The following GLI2 variants were observed in gnomAD, a reference collection of about 807,000 sequenced individuals.
The protein encoded by GLI2 is GLI family zinc finger 2.
GLI2 carries 22 observed loss-of-function variants against 78.9 expected under a neutral mutation model. That is an observed-to-expected ratio of 0.28 (90% confidence interval 0.20 to 0.40). The LOEUF (loss-of-function observed/expected upper bound fraction) is 0.40. Among genes scored for constraint, GLI2 ranks in the 10% least tolerant of loss-of-function variants. The pLI, the probability that GLI2 is intolerant of heterozygous loss-of-function variation, is 1.00. For synonymous variants in GLI2, 974 were observed against 963.7 expected (o/e 1.01, Z -0.20); for missense variants, 2,097 against 2,213.2 (o/e 0.95, Z 1.05).
chr2:120,955,142 T>A, intron 4 of GLI2, 103 bp from the exon 5 acceptor site: 3 of 762,208 alleles, frequency 3.9e-6, no homozygotes, highest in South Asian at 3.1e-5. Flanking sequence ...CAGGTGTGCA[T>A]TTCTCTCTGC....
chr2:120,791,124 G>A (rs1684142570), intron 1 of GLI2, among the ~76,000 whole-genome samples: 2 of 152,192 alleles, frequency 1.3e-5, no homozygotes, highest in African/African-American at 2.4e-5. Flanking sequence ...ATCTCTCATT[G>A]TGGGAGAATT....
chr2:120,872,090 G>C (rs1342225408), intron 2 of GLI2, among the ~76,000 whole-genome samples: 1 of 152,238 alleles, frequency 6.6e-6, no homozygotes, highest in Non-Finnish European at 1.5e-5. Context: ...GTGCCAGGTG[G>C]TCAGTGGCTG....
chr2:120,790,894 A>G (rs1416432913), intron 1 of GLI2, among the ~76,000 whole-genome samples: 1 of 152,034 alleles, frequency 6.6e-6, no homozygotes, highest in Non-Finnish European at 1.5e-5. Flanking sequence ...CAGGCAGGTG[A>G]TCTTTTCTTG....
At chr2:120,765,945 C>T (rs1401929050) in intron 1 of GLI2, among the ~76,000 whole-genome samples, 1 of 152,216 alleles carries the variant, frequency 6.6e-6, no homozygotes, top group East Asian at 1.9e-4. Flanking sequence ...GCAGGAAAAG[C>T]ACTCCTCCTG....
intron 1 of GLI2, among the ~76,000 whole-genome samples, chr2:120,747,764 T>C (rs896076819): frequency 1.3e-5 from 2 of 152,200 alleles, no homozygotes; most frequent in African/African-American, 4.8e-5. Flanking sequence ...ACAACAGGAC[T>C]CTGCCACTGG....
intron 2 of GLI2, among the ~76,000 whole-genome samples, chr2:120,799,705 T>C (rs1472968386): frequency 6.6e-6 from 1 of 152,184 alleles, no homozygotes; most frequent in Admixed American, 6.5e-5. Flanking sequence ...CTTTATGATC[T>C]TGGAACTTCG....
intron 2 of GLI2, among the ~76,000 whole-genome samples, chr2:120,911,300 A>T (rs528344159): frequency 6.6e-6 from 1 of 152,370 alleles, no homozygotes; most frequent in South Asian, 2.1e-4. Flanking sequence ...AAGTGGAGAT[A>T]ATAGTAACAA....
intron 1 of GLI2, among the ~76,000 whole-genome samples, chr2:120,796,325 C>T (rs1684391845): frequency 6.6e-6 from 1 of 152,188 alleles, no homozygotes; most frequent in Non-Finnish European, 1.5e-5. Context: ...CCCAAACCAC[C>T]ATTGTCTCTC....
Position 120,972,083 on chromosome 2 carries a change from A to G in GLI2, c.1182+20A>G, listed in dbSNP as rs2105026087. ...ACGCAGGTAACCTGCTGCCAGCCGC[A>G]CCACCTTCCTCCAGCTAGGACCAGG... On this transcript the variant is annotated intron_variant, in intron 8 of 13. Coordinates refer to ENST00000361492, the MANE Select transcript of GLI2 (RefSeq NM_001374353.1). The G allele has an allele frequency of 6.2e-7, 1 of 1,612,388 alleles. No homozygotes were observed. The highest frequency in any genetic ancestry group is 8.5e-7 in the Non-Finnish European group (1 of 1,179,636).
chr2:120,777,563 T>A (rs10181299), intron 1 of GLI2, among the ~76,000 whole-genome samples: 1 of 149,532 alleles, frequency 6.7e-6, no homozygotes, highest in African/African-American at 2.5e-5. Context: ...AGGAAAGCTT[T>A]GGGGGGTCTC....
At chr2:120,786,467 A>AC (rs954503651) in intron 1 of GLI2, among the ~76,000 whole-genome samples, 2 of 145,284 alleles carry the variant, frequency 1.4e-5, no homozygotes, top group African/African-American at 2.6e-5. Context: ...CCACCCTCCA[A>AC]CCCCCCGCCC....
At chr2:120,874,445 CCGCAGCCCCCGTCTGTG>C (rs1688626052) in intron 2 of GLI2, among the ~76,000 whole-genome samples, 1 of 152,240 alleles carries the variant, frequency 6.6e-6, no homozygotes, top group East Asian at 1.9e-4. Context: ...CACCCATCAG[CCGCAGCCCCCGTCTGTG>C]CGCAGAGCCC....
chr2:120,870,492 G>A (rs1046836698), intron 2 of GLI2, among the ~76,000 whole-genome samples: 2 of 152,168 alleles, frequency 1.3e-5, no homozygotes, highest in Non-Finnish European at 2.9e-5. Flanking sequence ...AGAGGGCAGC[G>A]ACTTGGTTCA....
chr2:120,820,039 G>A (rs940711654), intron 2 of GLI2, among the ~76,000 whole-genome samples: 2 of 152,156 alleles, frequency 1.3e-5, no homozygotes, highest in African/African-American at 4.8e-5. Flanking sequence ...GGGAACCTGG[G>A]GAAGGTTGGC....
intron 3 of GLI2, among the ~76,000 whole-genome samples, chr2:120,930,504 A>C (rs1679899185): frequency 6.6e-6 from 1 of 152,126 alleles, no homozygotes; most frequent in African/African-American, 2.4e-5. Flanking sequence ...AGTATGGACC[A>C]TGGGTCCCTC....
chr2:120,878,593 A>G (rs750366664), intron 2 of GLI2, among the ~76,000 whole-genome samples: 3 of 152,194 alleles, frequency 2.0e-5, no homozygotes, highest in Admixed American at 1.3e-4. Flanking sequence ...TTAAACTCAT[A>G]TCCTGTCACA....
chr2:120,793,117 C>T (rs982831385), intron 1 of GLI2, among the ~76,000 whole-genome samples: 2 of 152,256 alleles, frequency 1.3e-5, no homozygotes, highest in African/African-American at 2.4e-5. Flanking sequence ...TTGCTGTCAC[C>T]AGTGCCCCTG....
At chr2:120,917,055 G>T (rs1056282525) in intron 2 of GLI2, among the ~76,000 whole-genome samples, 2 of 152,184 alleles carry the variant, frequency 1.3e-5, no homozygotes, top group African/African-American at 4.8e-5. Flanking sequence ...GACAAGCCCA[G>T]AATAAATGGC....
Position 120,986,447 on chromosome 2 carries a change from T to C in GLI2, c.2075T>C (p.Leu692Pro), listed in dbSNP as rs781438228. ...CCCCCAGGGGCCGACACCTCAGCCC[T>C]GGCTGCCCCCTCCGCTGGTGGCCTC... The part of the protein sequence containing the change: ...DTPPGADTSA[L>P]AAPSAGGLQL... Residue 692 changes from leucine (L) to proline (P), a missense_variant, in exon 13 of 14, where the codon CTG becomes CCG. This residue lies in a region of GLI2 where 1,290 missense variants were observed against 1,261.7 expected (regional missense o/e 1.02). Coordinates refer to ENST00000361492, the MANE Select transcript of GLI2 (RefSeq NM_001374353.1). 25 of 1,613,838 alleles carry C rather than the reference T, an allele frequency of 1.5e-5. No homozygotes were observed. The highest frequency in any genetic ancestry group is 1.6e-4 in the Middle Eastern group (1 of 6,080).
Sources: gnomAD v4.1 joint callset for allele counts (sites outside exome capture counted in the v4.1 genomes callset) on GRCh38, gnomAD v4.1.1 for gene constraint, gnomAD v4.1.1 regional missense constraint, MANE v1.5 for transcripts, NCBI Gene and HGNC (gene_info 2026-07-23, HGNC 2026-07-21) for gene names.